The following DCTN6 variants were observed in gnomAD, a reference collection of about 807,000 sequenced individuals.
The protein encoded by DCTN6 is dynactin 6.
DCTN6 carries 15 observed loss-of-function variants against 25.8 expected under a neutral mutation model. The ratio of observed to expected loss-of-function variants is 0.58; its 90% CI spans 0.39 to 0.89. DCTN6 has a LOEUF of 0.89. Ranked by LOEUF, DCTN6 falls within the 40% of genes least tolerant of loss-of-function variation. The pLI is 0.00. For synonymous variants in DCTN6, 64 were observed against 78.3 expected (o/e 0.82, Z 0.96); for missense variants, 198 against 237.6 (o/e 0.83, Z 1.09).
At chr8:30,169,299 G>C (rs555787046) in intron 2 of DCTN6, among the ~76,000 whole-genome samples, 1 of 150,984 alleles carries the variant, frequency 6.6e-6, no homozygotes, top group Non-Finnish European at 1.5e-5. Flanking sequence ...AGAGCTTAAG[G>C]CCTTTTGAAT....
chr8:30,176,187 G>T lies in DCTN6; in HGVS notation c.195-939G>T, dbSNP rs190320776. 4.5e-3 allele frequency among the ~76,000 whole-genome samples: 678 copies of T among 152,332 alleles called. 2 individuals are homozygous for T. Among genetic ancestry groups the T allele is most frequent in the Non-Finnish European group, 4.9e-3 (336 of 68,030 alleles). ...AATTAACAGCCTAAAAAGATAGCTA[G>T]CATCTTCTTTCCTTTGTCCTGGAGA... On this transcript the variant is annotated intron_variant, in intron 3 of 6. Transcript: ENST00000221114.
intron 2 of DCTN6, among the ~76,000 whole-genome samples, chr8:30,166,193 T>C (rs1225936996): frequency 3.9e-5 from 6 of 152,158 alleles, no homozygotes; most frequent in African/African-American, 1.4e-4. Flanking sequence ...AAGACTGAAG[T>C]GATGTAATTA....
At position 30,183,193 on chromosome 8, in the gene DCTN6, G is replaced by C; in HGVS notation, c.*20G>C. ...AACTAAGAACAGTGTATAACATGAA[G>C]ATAACATTTTGTCTTTGACCACTGT... On this transcript the variant is annotated 3_prime_UTR_variant, in exon 7 of 7. Coordinates refer to ENST00000221114, the MANE Select transcript of DCTN6 (RefSeq NM_006571.4). 6.2e-7 allele frequency: 1 copy of C among 1,602,894 alleles called. No individual in the cohort carries two copies. Among genetic ancestry groups the C allele is most frequent in the African/African-American group, 1.3e-5 (1 of 74,738 alleles).
intron 2 of DCTN6, among the ~76,000 whole-genome samples, chr8:30,168,948 A>G (rs1304733587): frequency 2.0e-5 from 3 of 152,134 alleles, no homozygotes; most frequent in Non-Finnish European, 2.9e-5. Flanking sequence ...TTTCCTGTAA[A>G]TCTTTATTTT....
chr8:30,174,917 C>G (rs1803811047), intron 2 of DCTN6, among the ~76,000 whole-genome samples, 168 bp from the exon 3 acceptor site: 1 of 152,178 alleles, frequency 6.6e-6, no homozygotes, highest in Non-Finnish European at 1.5e-5. Flanking sequence ...GCCCTGACTA[C>G]TGATGATAAA....
intron 1 of DCTN6, among the ~76,000 whole-genome samples, chr8:30,160,255 G>A (rs1163983466): frequency 3.3e-5 from 5 of 152,142 alleles, no homozygotes; most frequent in Admixed American, 6.6e-5. Flanking sequence ...CATGGGAGCC[G>A]TTTCCCCCAT....
At chr8:30,173,416 T>C (rs1468483057) in intron 2 of DCTN6, among the ~76,000 whole-genome samples, 2 of 152,212 alleles carry the variant, frequency 1.3e-5, no homozygotes, top group East Asian at 1.9e-4. Context: ...ATCTCAGCTG[T>C]CACAGGCAGA....
At chr8:30,177,901 G>A (rs1201358874) in intron 4 of DCTN6, among the ~76,000 whole-genome samples, 1 of 152,184 alleles carries the variant, frequency 6.6e-6, no homozygotes, top group Non-Finnish European at 1.5e-5. Flanking sequence ...CACTTTGAAA[G>A]AAACCACTTC....
chr8:30,161,414 C>A (rs1473929863), intron 1 of DCTN6, among the ~76,000 whole-genome samples: 1 of 152,148 alleles, frequency 6.6e-6, no homozygotes, highest in Non-Finnish European at 1.5e-5. Context: ...TGACCCCCCC[C>A]ACCACCAAGT....
rs564635642 is a variant in DCTN6 at position 30,164,158 on chromosome 8, G to C, written c.71G>C (p.Arg24Thr). The change falls in exon 2 of 7, where the codon AGA becomes ACA. Residue 24 changes from arginine to threonine, a missense_variant. Coordinates refer to ENST00000221114, the MANE Select transcript of DCTN6 (RefSeq NM_006571.4). Reference sequence around the variant, plus strand: ...GTTGTATGTGTAGAAAGTGAAATCAGAGGAGATGTAACTATCGGTAAGAAA... The same window carrying C: ...GTTGTATGTGTAGAAAGTGAAATCACAGGAGATGTAACTATCGGTAAGAAA... ...GAVVCVESEI[R>T]GDVTIGPRTV... is the part of the protein sequence containing the mutation. 1 of 1,613,220 alleles carries C rather than the reference G, an allele frequency of 6.2e-7. No homozygotes were observed. Among genetic ancestry groups the C allele is most frequent in the East Asian group, 2.2e-5 (1 of 44,872 alleles).
At chr8:30,167,789 C>T (rs1803703512) in intron 2 of DCTN6, among the ~76,000 whole-genome samples, 1 of 152,126 alleles carries the variant, frequency 6.6e-6, no homozygotes, top group South Asian at 2.1e-4. Flanking sequence ...ACCTTCACCT[C>T]CTGGGTTCAA....
chr8:30,179,314 C>G, intron 4 of DCTN6, 94 bp from the exon 5 acceptor site: 1 of 1,027,042 alleles, frequency 9.7e-7, no homozygotes, highest in Non-Finnish European at 1.4e-6. Context: ...TCTGACACCC[C>G]TGTCCTCTGT....
intron 1 of DCTN6, among the ~76,000 whole-genome samples, chr8:30,161,710 T>C (rs1008212169): frequency 3.3e-5 from 5 of 151,872 alleles, no homozygotes; most frequent in African/African-American, 1.2e-4. Flanking sequence ...ATGCATATGG[T>C]ATTTAAAAAT....
chr8:30,168,551 T>G (rs1358990743), intron 2 of DCTN6, among the ~76,000 whole-genome samples: 3 of 152,234 alleles, frequency 2.0e-5, no homozygotes, highest in Non-Finnish European at 2.9e-5. Flanking sequence ...ATTCATAGAT[T>G]TTTTTCAGGA....
At chr8:30,170,056 C>T (rs1219466640) in intron 2 of DCTN6, among the ~76,000 whole-genome samples, 1 of 151,942 alleles carries the variant, frequency 6.6e-6, no homozygotes, top group Non-Finnish European at 1.5e-5. Context: ...TCCTGTAGTC[C>T]CAGCTACTCG....
chr8:30,175,279 A>T, intron 3 of DCTN6, 89 bp downstream of exon 3: 1 of 1,084,460 alleles, frequency 9.2e-7, no homozygotes, highest in Non-Finnish European at 1.4e-6. Flanking sequence ...TTCAGCTGAC[A>T]TCCAGGAGGC....
chr8:30,171,675 T>C (rs1432260607), intron 2 of DCTN6, among the ~76,000 whole-genome samples: 1 of 152,224 alleles, frequency 6.6e-6, no homozygotes, highest in Non-Finnish European at 1.5e-5. Flanking sequence ...CCCTGATACC[T>C]GAGTAGAGGT....
At chr8:30,166,381 C>G (rs552663954) in intron 2 of DCTN6, among the ~76,000 whole-genome samples, 3 of 148,956 alleles carry the variant, frequency 2.0e-5, no homozygotes, top group Non-Finnish European at 4.4e-5. Context: ...CTCCTGGGCT[C>G]AAGCGATCCT....
rs570951322 is a variant in DCTN6, at chr8:30,156,690, G to C, written c.23+284G>C. Among the ~76,000 whole-genome samples the C allele has an allele frequency of 2.6e-5, 4 of 152,204 alleles. No homozygotes were observed. In the East Asian group the frequency reaches 5.8e-4, roughly 22 times the overall value. The stretch of plus-strand genomic sequence containing the variant: ...GGGGGTCTCCCGGCCGGGAGGGCGG[G>C]GGGGGCTGTGAGGGGAGGGTGACGT... On this transcript the variant is annotated intron_variant, in intron 1 of 6. Coordinates refer to ENST00000221114, the MANE Select transcript of DCTN6 (RefSeq NM_006571.4).
Sources: allele counts gnomAD v4.1 joint callset (sites outside exome capture counted in the v4.1 genomes callset), GRCh38; gene constraint gnomAD v4.1.1; transcripts MANE v1.5; gene names NCBI Gene and HGNC (gene_info 2026-07-23, HGNC 2026-07-21).